The following TSG101 variants were observed in gnomAD, a reference collection of about 807,000 sequenced individuals.
TSG101 encodes the protein tumor susceptibility 101.
Under a neutral mutation model 48.5 loss-of-function variants are expected in TSG101, and 19 were observed. The observed-to-expected ratio is 0.39, with a 90% confidence interval of 0.27 to 0.58. The LOEUF is 0.58. Ranked by LOEUF, TSG101 falls within the 20% of genes least tolerant of loss-of-function variation. TSG101 has a pLI of 0.55. For missense variants in TSG101, 365 were observed against 484.4 expected, an observed-to-expected ratio of 0.75 and a Z score of 2.31; for synonymous variants, 174 against 169.4, an observed-to-expected ratio of 1.03 and a Z score of -0.21.
intron 1 of TSG101, among the ~76,000 whole-genome samples, chr11:18,521,359 CTTT>C (rs917563952): frequency 7.0e-5 from 7 of 99,790 alleles, no homozygotes; most frequent in African/African-American, 1.1e-4. Context: ...AAACTGATTC[CTTT>C]TTTTTTTTTT....
Position 18,480,640 on chromosome 11 carries a change from G to A in TSG101, c.1084-5C>T. On this transcript the variant is annotated splice_region_variant and splice_polypyrimidine_tract_variant and intron_variant, in intron 9 of 9. Coordinates refer to ENST00000251968, the MANE Select transcript of TSG101 (RefSeq NM_006292.4). ...ACGGGACAGAAGACGTACATGCTGGGAGGGGAGAAAAGTTTGAATAGTTTA... is the reference window on the plus strand; with the variant it reads ...ACGGGACAGAAGACGTACATGCTGGAAGGGGAGAAAAGTTTGAATAGTTTA... The A allele has an allele frequency of 6.2e-7, 1 of 1,613,200 alleles. No homozygotes were observed. The highest frequency in any genetic ancestry group is 8.5e-7 in the Non-Finnish European group (1 of 1,179,504).
At chr11:18,483,509 AAAG>A (rs1490380008) in intron 8 of TSG101, among the ~76,000 whole-genome samples, 17 of 147,102 alleles carry the variant, frequency 1.2e-4, no homozygotes, top group East Asian at 4.2e-4. Context: ...AAAAAAAAAA[AAAG>A]GAGTGCCTTT....
chr11:18,520,273 A>T (rs1028437088), intron 1 of TSG101, among the ~76,000 whole-genome samples: 6 of 152,120 alleles, frequency 3.9e-5, no homozygotes, highest in African/African-American at 7.2e-5. Context: ...GCCCAGGATG[A>T]AGTAGAGTGG....
intron 7 of TSG101, among the ~76,000 whole-genome samples, chr11:18,494,361 G>T (rs1041504175): frequency 2.6e-5 from 4 of 152,126 alleles, no homozygotes; most frequent in African/African-American, 9.7e-5. Context: ...TTTGTGAAAA[G>T]ACTAATTTAA....
chr11:18,499,260 ATATT>A (rs1298249662), intron 7 of TSG101, among the ~76,000 whole-genome samples: 2 of 134,748 alleles, frequency 1.5e-5, no homozygotes, highest in Non-Finnish European at 3.1e-5. Context: ...TATATTATAT[ATATT>A]TTATATATAT....
In TSG101 at chr11:18,481,762, A is replaced by G; in HGVS notation, c.951T>C (p.Val317=). The G allele has an allele frequency of 6.2e-7, 1 of 1,614,198 alleles. No individual in the cohort carries two copies. The highest frequency in any genetic ancestry group is 1.1e-5 in the South Asian group (1 of 91,088). Residue 317 remains valine (V), a synonymous_variant, in exon 9 of 10, where the codon GTT becomes GTC. Transcript: ENST00000251968. ...NQSENNDIDE[V]IIPTAPLYKQ... ...TGTATAAGGGAGCTGTGGGAATGAT[A>G]ACTTCATCGATATCATTGTTTTCAG...
At chr11:18,519,949 TAA>T (rs1205567985) in intron 1 of TSG101, among the ~76,000 whole-genome samples, 1 of 152,238 alleles carries the variant, frequency 6.6e-6, no homozygotes, top group Non-Finnish European at 1.5e-5. Flanking sequence ...TTCACACATT[TAA>T]AGAGTATAGT....
chr11:18,523,484 T>C (rs1405315433), intron 1 of TSG101, among the ~76,000 whole-genome samples: 3 of 152,114 alleles, frequency 2.0e-5, no homozygotes, highest in African/African-American at 7.2e-5. Context: ...GACATATCAA[T>C]CTTTATTTTA....
At chr11:18,497,880 AAAAACGGTGG>A (rs1243880563) in intron 7 of TSG101, among the ~76,000 whole-genome samples, 1 of 152,210 alleles carries the variant, frequency 6.6e-6, no homozygotes, top group Non-Finnish European at 1.5e-5. Flanking sequence ...TATCAATGAG[AAAAACGGTGG>A]AAATAACCCT....
intron 7 of TSG101, chr11:18,490,463 A>C: frequency 1.9e-6 from 1 of 532,802 alleles, no homozygotes; most frequent in Non-Finnish European, 3.6e-6. Context: ...GTGCCAGACC[A>C]AGTCAAACTG....
At chr11:18,509,472 AT>A in intron 5 of TSG101, 69 bp downstream of exon 5, 2 of 1,522,788 alleles carry the variant, frequency 1.3e-6, no homozygotes, top group South Asian at 2.6e-5. Context: ...ATTTTTCTTT[AT>A]TTTTTTACAA....
Position 18,489,840 on chromosome 11 carries a change from T to C in TSG101, c.641-5768A>G, listed in dbSNP as rs868745172. Among the ~76,000 whole-genome samples, 19 of 152,344 alleles carry C rather than the reference T, an allele frequency of 1.2e-4. 1 individual carries two copies. In the Middle Eastern group the frequency reaches 0.01, roughly 82 times the overall value. On this transcript the variant is annotated intron_variant, in intron 7 of 9. Coordinates refer to ENST00000251968, the MANE Select transcript of TSG101 (RefSeq NM_006292.4). ...GCATCATAATATAATCTCTATAACC[T>C]TCTGTACAACTTTACAATGGAATTG...
At chr11:18,480,729 A>T in intron 9 of TSG101, 94 bp from the exon 10 acceptor site, 2 of 1,158,834 alleles carry the variant, frequency 1.7e-6, no homozygotes, top group South Asian at 2.8e-5. Context: ...GGATCTAAGA[A>T]CCCTAACTCA....
chr11:18,500,921 A>T (rs1185270587), intron 7 of TSG101, among the ~76,000 whole-genome samples: 1 of 152,084 alleles, frequency 6.6e-6, no homozygotes. Context: ...CTCTTGCCTC[A>T]GCCTCCCAAG....
intron 6 of TSG101, among the ~76,000 whole-genome samples, chr11:18,503,142 T>A (rs1849915204): frequency 6.6e-6 from 1 of 152,202 alleles, no homozygotes; most frequent in Admixed American, 6.5e-5. Context: ...AGAGGTATTC[T>A]ACTCCAATCA....
intron 7 of TSG101, 108 bp from the exon 8 acceptor site, chr11:18,484,180 G>A: frequency 9.2e-7 from 1 of 1,092,574 alleles, no homozygotes; most frequent in Admixed American, 2.4e-5. Flanking sequence ...CTTTCAAAAT[G>A]TGAGGAAAGA....
intron 1 of TSG101, among the ~76,000 whole-genome samples, chr11:18,523,496 T>C (rs560131776): frequency 5.9e-5 from 9 of 152,128 alleles, no homozygotes; most frequent in Non-Finnish European, 1.3e-4. Context: ...TTTATTTTAT[T>C]ATTTTTATTT....
At chr11:18,487,908 A>T (rs1849644091) in intron 7 of TSG101, among the ~76,000 whole-genome samples, 1 of 151,908 alleles carries the variant, frequency 6.6e-6, no homozygotes, top group South Asian at 2.1e-4. Context: ...TTTTTAACTG[A>T]TAAAATTTTT....
In TSG101 at chr11:18,526,876, C is replaced by A; in HGVS notation, c.-60G>T. On this transcript the variant is annotated 5_prime_UTR_variant, in exon 1 of 10. Transcript: ENST00000251968. ...GAGGGTCAGCCGCTGCTGGGCTGCC[C>A]CAGACCGTCCCACACAATCGCACAC... 6.4e-7 allele frequency: 1 copy of A among 1,561,386 alleles called. No homozygotes were observed. Among genetic ancestry groups the A allele is most frequent in the Non-Finnish European group, 8.6e-7 (1 of 1,157,796 alleles).
Sources: gnomAD v4.1 joint callset for allele counts (sites outside exome capture counted in the v4.1 genomes callset) on GRCh38, gnomAD v4.1.1 for gene constraint, MANE v1.5 for transcripts, NCBI Gene and HGNC (gene_info 2026-07-23, HGNC 2026-07-21) for gene names.